TMEM33: variants seen among roughly 807,000 people sequenced by gnomAD.
The protein encoded by TMEM33 is transmembrane protein 33.
In TMEM33, 16 loss-of-function variants were observed where a neutral mutation model predicts 29.7. The ratio of observed to expected loss-of-function variants is 0.54; its 90% CI spans 0.36 to 0.82. The LOEUF (loss-of-function observed/expected upper bound fraction) is 0.82. Ranked by LOEUF, TMEM33 falls within the 40% of genes least tolerant of loss-of-function variation. TMEM33 has a pLI of 0.00. For synonymous variants in TMEM33, 112 were observed against 109.4 expected, an observed-to-expected ratio of 1.02 and a Z score of -0.15; for missense variants, 252 against 295.3, an observed-to-expected ratio of 0.85 and a Z score of 1.08.
intron 5 of TMEM33, among the ~76,000 whole-genome samples, chr4:41,948,563 C>G (rs1034874869): frequency 6.6e-6 from 1 of 151,774 alleles, no homozygotes; most frequent in Non-Finnish European, 1.5e-5. Flanking sequence ...TAAAAAAATA[C>G]AATTGTAATA....
chr4:41,939,054 A>C, intron 2 of TMEM33, 142 bp from the exon 3 acceptor site: 1 of 728,988 alleles, frequency 1.4e-6, no homozygotes, highest in South Asian at 2.5e-5. Context: ...TGAAGCTATT[A>C]AAACGGTAGA....
At chr4:41,949,888 T>A (rs1256722552) in intron 6 of TMEM33, among the ~76,000 whole-genome samples, 1 of 152,070 alleles carries the variant, frequency 6.6e-6, no homozygotes. Context: ...GGGAAAAGCA[T>A]TTTAGGTGGG....
At chr4:41,939,584 A>T in intron 3 of TMEM33, 1 of 627,798 alleles carries the variant, frequency 1.6e-6, no homozygotes, top group East Asian at 3.0e-5. Context: ...TAGGAATTTT[A>T]AACTATCTTT....
At chr4:41,935,377 G>T (rs1712169166), upstream of TMEM33, 2 of 1,225,680 alleles carry the variant, frequency 1.6e-6, no homozygotes, top group Non-Finnish European at 1.2e-6. Flanking sequence ...TGTGTGTGGC[G>T]CGAGGCAGGG....
At chr4:41,938,341 T>A (rs989299148) in intron 1 of TMEM33, among the ~76,000 whole-genome samples, 3 of 152,250 alleles carry the variant, frequency 2.0e-5, no homozygotes, top group African/African-American at 4.8e-5. Flanking sequence ...TGCATTTTTT[T>A]AAAATGTCAG....
In TMEM33 at chr4:41,944,738, T is replaced by C. The variant is rs1280035042; in HGVS notation, c.397-55T>C. On this transcript the variant is annotated intron_variant, in intron 4 of 6. Coordinates refer to ENST00000504986, the MANE Select transcript of TMEM33 (RefSeq NM_018126.3). ...AGGCTGTTTACCTACAGAAAGAAAA[T>C]ATTGTTATCAGAAATGCTTCACTTA... 4 of 1,588,336 alleles carry C rather than the reference T, an allele frequency of 2.5e-6. No individual in the cohort carries two copies. The East Asian group carries it at 9.0e-5, about 36-fold the overall frequency.
chr4:41,958,156 G>C lies in TMEM33; in HGVS notation c.*3957G>C, dbSNP rs2153128631. ...CCTCCAAGTAGCTGGGGTTACAGGT[G>C]CCCGCCACCATGCCCAGCTAGTTTT... On this transcript the variant is annotated 3_prime_UTR_variant, in exon 7 of 7. Coordinates refer to ENST00000504986, the MANE Select transcript of TMEM33 (RefSeq NM_018126.3). 1 of 152,250 alleles carries C rather than the reference G, an allele frequency of 6.6e-6. No homozygotes were observed. Among genetic ancestry groups the C allele is most frequent in the Non-Finnish European group, 1.5e-5 (1 of 68,120 alleles). The allele number at this position is 152,250 out of a possible 1,614,324, so 9.4% of individuals were successfully genotyped here. A position where few individuals can be genotyped will look rare whatever the true frequency, so the allele number is the denominator to read the frequency against.
At chr4:41,935,560 A>G (rs780108359) in intron 1 of TMEM33, 31 bp downstream of exon 1, 7 of 1,591,098 alleles carry the variant, frequency 4.4e-6, no homozygotes, top group Non-Finnish European at 6.0e-6. Flanking sequence ...GTCTGGCTTG[A>G]TTTGCAAGAG....
In TMEM33 at chr4:41,960,147, A is replaced by T. The variant is rs1290587459; in HGVS notation, c.*5948A>T. ...GTCCTTTCAAGAAAATCTAATAAACATAATAATCATAGCCTGCTGACACTA... is the reference window on the plus strand; with the variant it reads ...GTCCTTTCAAGAAAATCTAATAAACTTAATAATCATAGCCTGCTGACACTA... On this transcript the variant is annotated 3_prime_UTR_variant, in exon 7 of 7. Coordinates refer to ENST00000504986, the MANE Select transcript of TMEM33 (RefSeq NM_018126.3). 1.3e-5 allele frequency: 2 copies of T among 152,212 alleles called. No individual in the cohort carries two copies. The highest frequency in any genetic ancestry group is 2.9e-5 in the Non-Finnish European group (2 of 68,012). 9.4% of individuals were successfully genotyped at this position (152,212 alleles called of 1,614,324 possible).
At position 41,935,512 on chromosome 4, in the gene TMEM33, C is replaced by A. The variant is rs771523532; in HGVS notation, c.28C>A (p.Gln10Lys). The A allele has an allele frequency of 1.9e-6, 3 of 1,609,340 alleles. No individual in the cohort carries two copies. The highest frequency in any genetic ancestry group is 1.3e-5 in the African/African-American group (1 of 74,936). The change falls in exon 1 of 7, where the codon CAA (glutamine) becomes AAA (lysine). Residue 10 changes from glutamine to lysine, a missense_variant. Gln to Lys is a moderately conservative substitution (Grantham distance 53). Transcript: ENST00000504986. ...GGCAGATACGACCCCGAACGGCCCC[C>A]AAGGGGCGGGCGCTGTGGTAAGTGC... Reference protein sequence around the residue: MADTTPNGPQGAGAVQFMMT... With the variant: MADTTPNGPKGAGAVQFMMT...
At chr4:41,945,897 G>T (rs1712761073) in intron 5 of TMEM33, among the ~76,000 whole-genome samples, 1 of 150,768 alleles carries the variant, frequency 6.6e-6, no homozygotes, top group African/African-American at 2.4e-5. Context: ...TTTGAATCTG[G>T]GAGGTGGAAG....
intron 3 of TMEM33, among the ~76,000 whole-genome samples, chr4:41,943,192 GA>G (rs1712619249): frequency 6.6e-6 from 1 of 152,118 alleles, no homozygotes; most frequent in Non-Finnish European, 1.5e-5. Context: ...AGAAATGAAG[GA>G]AAAACCTTTT....
chr4:41,948,492 G>A (rs554108261), intron 5 of TMEM33, among the ~76,000 whole-genome samples: 1 of 152,018 alleles, frequency 6.6e-6, no homozygotes, highest in African/African-American at 2.4e-5. Flanking sequence ...ATACAATTTA[G>A]AAGAAAAGGC....
rs542414759 is a variant in TMEM33 at position 41,960,019 on chromosome 4, A to T, written c.*5820A>T. 17 of 152,310 alleles carry T rather than the reference A, an allele frequency of 1.1e-4. No homozygotes were observed. Among genetic ancestry groups the T allele is most frequent in the Admixed American group, 8.5e-4 (13 of 15,300 alleles). 9.4% of individuals were successfully genotyped at this position (152,310 alleles called of 1,614,324 possible). A position where few individuals can be genotyped will look rare whatever the true frequency, so the allele number is the denominator to read the frequency against. On this transcript the variant is annotated 3_prime_UTR_variant, in exon 7 of 7. Transcript: ENST00000504986. ...CAGACTATATAAATTTATAAAATAA[A>T]TTGAAAAATTCATTCCCCTGTATTC...
rs1553910603 is a variant in TMEM33, at chr4:41,940,046, C to CCT, written c.328+663_328+664insCT. Among the ~76,000 whole-genome samples, 264 of 81,354 alleles carry CCT rather than the reference C, an allele frequency of 3.2e-3. 8 individuals carry two copies. Among genetic ancestry groups the CCT allele is most frequent in the African/African-American group, 0.014 (257 of 17,912 alleles). 53.4% of individuals were successfully genotyped at this position (81,354 alleles called of 152,430 possible). On this transcript the variant is annotated intron_variant, in intron 3 of 6. Transcript: ENST00000504986. ...TATAGTGAACACTAGGTTAAACTTT[C>CCT]TTTTTTTTTTTTTTTTTTTTTTTTG...
Position 41,935,506 on chromosome 4 carries a change from G to A in TMEM33, c.22G>A (p.Gly8Ser), listed in dbSNP as rs1353845839. MADTTPN[G>S]PQGAGAVQFM... ...CCCCATGGCAGATACGACCCCGAAC[G>A]GCCCCCAAGGGGCGGGCGCTGTGGT... Residue 8 changes from glycine (G) to serine (S), a missense_variant, in exon 1 of 7, where the codon GGC (glycine) becomes AGC (serine). Coordinates refer to ENST00000504986, the MANE Select transcript of TMEM33 (RefSeq NM_018126.3). The A allele has an allele frequency of 6.2e-7, 1 of 1,609,674 alleles. No homozygotes were observed. The highest frequency in any genetic ancestry group is 8.5e-7 in the Non-Finnish European group (1 of 1,178,068).
rs1560521163 is a variant in TMEM33 at position 41,955,861 on chromosome 4, CAA to C, written c.*1663_*1664del. 1 of 152,588 alleles carries C rather than the reference CAA, an allele frequency of 6.6e-6. No individual in the cohort carries two copies. Among genetic ancestry groups the C allele is most frequent in the Admixed American group, 6.5e-5 (1 of 15,274 alleles). The allele number at this position is 152,588 out of a possible 1,614,324, so 9.5% of individuals were successfully genotyped here. ...TAAAAAATGAAGTCTTGAATTATAT[CAA>C]GAAATTTTGGCAGCTGAAGTCATGT... On this transcript the variant is annotated 3_prime_UTR_variant, in exon 7 of 7. Transcript: ENST00000504986.
intron 6 of TMEM33, among the ~76,000 whole-genome samples, chr4:41,953,487 A>G (rs1051630874): frequency 2.0e-5 from 3 of 152,222 alleles, no homozygotes; most frequent in African/African-American, 7.2e-5. Context: ...TTTCCTTTGC[A>G]TTCACAGCTT....
At position 41,954,317 on chromosome 4, in the gene TMEM33, T is replaced by C. The variant is rs1187038341; in HGVS notation, c.*118T>C. 3 of 1,067,146 alleles carry C rather than the reference T, an allele frequency of 2.8e-6. No individual in the cohort carries two copies. The highest frequency in any genetic ancestry group is 3.9e-6 in the Non-Finnish European group (3 of 769,518). The allele number at this position is 1,067,146 out of a possible 1,614,324, so 66.1% of individuals were successfully genotyped here. A position where few individuals can be genotyped will look rare whatever the true frequency, so the allele number is the denominator to read the frequency against. ...CTCAATCCAATTTACATAATTTACA[T>C]AAATGCATCTCGGTGGAAAAATAAT... On this transcript the variant is annotated 3_prime_UTR_variant, in exon 7 of 7. Coordinates refer to ENST00000504986, the MANE Select transcript of TMEM33 (RefSeq NM_018126.3).
Sources: allele counts gnomAD v4.1 joint callset (sites outside exome capture counted in the v4.1 genomes callset), GRCh38; gene constraint gnomAD v4.1.1; transcripts MANE v1.5; gene names NCBI Gene and HGNC (gene_info 2026-07-23, HGNC 2026-07-21).